The following FTCDNL1 variants were observed in gnomAD, a reference collection of about 807,000 sequenced individuals.
The protein encoded by FTCDNL1 is formiminotransferase cyclodeaminase N-terminal like.
A neutral mutation model predicts 5.9 loss-of-function variants in FTCDNL1; 11 were observed. The ratio of observed to expected loss-of-function variants is 1.87; its 90% confidence interval spans 1.18 to 3.10. FTCDNL1 has a LOEUF of 3.10. FTCDNL1 is among the 30% of genes most tolerant of loss of function. The probability of loss-of-function intolerance (pLI) is 0.00; values close to 1 mark genes in which losing one functional copy is unlikely to be tolerated. For synonymous variants in FTCDNL1, 58 were observed against 24.8 expected (o/e 2.34, Z -3.99); for missense variants, 115 against 65.5 (o/e 1.76, Z -2.61).
chr2:199,758,383 C>T (rs1698142195), downstream of FTCDNL1, among the ~76,000 whole-genome samples: 1 of 151,476 alleles, frequency 6.6e-6, no homozygotes, highest in South Asian at 2.1e-4. Context: ...GATTCAGGTG[C>T]CCTGTATAGT....
At chr2:199,737,028 G>A in the FTCDNL1 span, among the ~76,000 whole-genome samples, 1 of 152,252 alleles carries the variant, frequency 6.6e-6, no homozygotes, top group Non-Finnish European at 1.5e-5. Context: ...CTGAGCCACA[G>A]TGCCTGAAGT....
chr2:199,846,522 C>G (rs1459054096), intron 2 of FTCDNL1, among the ~76,000 whole-genome samples: 2 of 152,196 alleles, frequency 1.3e-5, no homozygotes, highest in African/African-American at 2.4e-5. Flanking sequence ...CCTTATCAAT[C>G]TCATCACCTA....
chr2:199,736,936 G>T, the FTCDNL1 span, among the ~76,000 whole-genome samples: 1 of 152,218 alleles, frequency 6.6e-6, no homozygotes, highest in Non-Finnish European at 1.5e-5. Context: ...TGCCCAAACT[G>T]TCCCACTGTG....
At chr2:199,759,956 T>C (rs955649302), downstream of FTCDNL1, among the ~76,000 whole-genome samples, 37 of 152,270 alleles carry the variant, frequency 2.4e-4, no homozygotes, top group African/African-American at 8.7e-4. Context: ...GGCATATAGA[T>C]GGTGTCAGGC....
the FTCDNL1 span, among the ~76,000 whole-genome samples, chr2:199,731,290 C>G: frequency 6.6e-6 from 1 of 152,164 alleles, no homozygotes; most frequent in Non-Finnish European, 1.5e-5. Context: ...TAGCAAACCA[C>G]CATGGCACAT....
chr2:199,697,005 T>C, the FTCDNL1 span, among the ~76,000 whole-genome samples: 1 of 152,170 alleles, frequency 6.6e-6, no homozygotes, highest in Non-Finnish European at 1.5e-5. Flanking sequence ...AAGAATTTCA[T>C]AATACACTTG....
the FTCDNL1 span, among the ~76,000 whole-genome samples, chr2:199,736,123 T>A: frequency 1.3e-5 from 2 of 152,208 alleles, no homozygotes; most frequent in African/African-American, 2.4e-5. Context: ...AAGTGCCTTT[T>A]AAAACTGGCT....
At chr2:199,731,724 TA>T in the FTCDNL1 span, among the ~76,000 whole-genome samples, 1 of 152,000 alleles carries the variant, frequency 6.6e-6, no homozygotes, top group Non-Finnish European at 1.5e-5. Flanking sequence ...CCGTCTCTAC[TA>T]AAAATACAAA....
At chr2:199,817,984 A>G (rs1574607718) in intron 4 of FTCDNL1, among the ~76,000 whole-genome samples, 1 of 152,336 alleles carries the variant, frequency 6.6e-6, no homozygotes, top group East Asian at 1.9e-4. Context: ...TTTAACTCAC[A>G]TATGATTTTT....
the FTCDNL1 span, among the ~76,000 whole-genome samples, chr2:199,677,290 C>T: frequency 2.6e-4 from 39 of 152,292 alleles, no homozygotes; most frequent in African/African-American, 9.4e-4. Flanking sequence ...ACTAGGCAGA[C>T]CCCTGCCACA....
the FTCDNL1 span, among the ~76,000 whole-genome samples, chr2:199,725,881 T>C: frequency 6.6e-6 from 1 of 152,132 alleles, no homozygotes; most frequent in Non-Finnish European, 1.5e-5. Context: ...TATCTTCTCA[T>C]AGAGTATCTT....
rs908678766 is a variant in FTCDNL1, at chr2:199,789,176, T to C, written c.212-28341A>G. On this transcript the variant is annotated intron_variant, in intron 3 of 3. Transcript: ENST00000416668. ...CAATTACACCAAAACCTATGAAAGA[T>C]GGTAACACAAAAATGAAAAAACAAG... Among the ~76,000 whole-genome samples, 12 of 152,164 alleles carry C rather than the reference T, an allele frequency of 7.9e-5. 1 individual carries two copies. The highest frequency in any genetic ancestry group is 2.9e-4 in the African/African-American group (12 of 41,548).
At position 199,787,897 on chromosome 2, in the gene FTCDNL1, G is replaced by A. The variant is rs74594352; in HGVS notation, c.212-27062C>T. ...AATGTATATGAACACGTACTTTTCC[G>A]AGGACATAATTTTGTTCTGCATCCC... On this transcript the variant is annotated intron_variant, in intron 3 of 3. Transcript: ENST00000416668. Among the ~76,000 whole-genome samples the A allele has an allele frequency of 1.7e-3, 263 of 152,148 alleles. 1 individual carries two copies. The highest frequency in any genetic ancestry group is 6.0e-3 in the African/African-American group (249 of 41,532).
rs140030668 is a variant in FTCDNL1, at chr2:199,819,261, C to A, written c.397+311G>T. ...ACCCCACACCATTCACAGACAGGGG[C>A]CTCCAGGACCCTGCCCCAGTGCCAG... On this transcript the variant is annotated intron_variant, in intron 4 of 4. Transcript: ENST00000420128. The A allele has an allele frequency of 2.5e-4, 79 of 319,378 alleles. 1 individual carries two copies. Among genetic ancestry groups the A allele is most frequent in the African/African-American group, 1.5e-3 (72 of 47,552 alleles). 19.8% of individuals were successfully genotyped at this position (319,378 alleles called of 1,614,324 possible).
the FTCDNL1 span, among the ~76,000 whole-genome samples, chr2:199,700,007 TC>T: frequency 0.53 from 80,701 of 151,376 alleles, 23,454 homozygotes; most frequent in South Asian, 0.69. Flanking sequence ...GGATGCCCTC[TC>T]TCACCACTCC....
intron 3 of FTCDNL1, among the ~76,000 whole-genome samples, chr2:199,803,442 A>ATTGTT (rs547237817): frequency 8.4e-6 from 1 of 118,528 alleles, no homozygotes; most frequent in African/African-American, 2.8e-5. Flanking sequence ...GTCCAAGGTT[A>ATTGTT]TTGTTTTGTT....
the FTCDNL1 span, among the ~76,000 whole-genome samples, chr2:199,710,527 C>T: frequency 6.6e-6 from 1 of 152,004 alleles, no homozygotes; most frequent in African/African-American, 2.4e-5. Flanking sequence ...CTCAGTGTTC[C>T]CAGCGACTTT....
In FTCDNL1 at chr2:199,809,718, C is replaced by T. The variant is rs1391099126; in HGVS notation, c.*2987G>A. On this transcript the variant is annotated 3_prime_UTR_variant, in exon 5 of 5. Transcript: ENST00000420128. ...CATCTGAATTCCAAAAGAATAAGTA[C>T]TTCCTTGAAGTCATGCCCAACACCA... Among the ~76,000 whole-genome samples, 1 of 152,142 alleles carries T rather than the reference C, an allele frequency of 6.6e-6. No homozygotes were observed. Among genetic ancestry groups the T allele is most frequent in the Admixed American group, 6.5e-5 (1 of 15,278 alleles).
chr2:199,816,645 C>T (rs1290057045), intron 4 of FTCDNL1, among the ~76,000 whole-genome samples: 1 of 152,118 alleles, frequency 6.6e-6, no homozygotes, highest in Non-Finnish European at 1.5e-5. Flanking sequence ...CTGGCTATTC[C>T]CTCTGCCTAA....
Sources: gnomAD v4.1 joint callset for allele counts (sites outside exome capture counted in the v4.1 genomes callset) on GRCh38, gnomAD v4.1.1 for gene constraint, MANE v1.5 for transcripts, NCBI Gene and HGNC (gene_info 2026-07-23, HGNC 2026-07-21) for gene names.